ATP8A2: variants seen among roughly 807,000 people sequenced by gnomAD.
ATP8A2 encodes the protein ATPase phospholipid transporting 8A2.
In ATP8A2, 100 loss-of-function variants were observed where a neutral mutation model predicts 165.6. The ratio of observed to expected loss-of-function variants is 0.60; its 90% CI spans 0.51 to 0.71. The LOEUF is 0.71. Ranked by LOEUF, ATP8A2 falls within the 30% of genes least tolerant of loss-of-function variation. ATP8A2 has a pLI of 0.00. For synonymous variants in ATP8A2, 543 were observed against 548.8 expected (o/e 0.99, Z 0.15); for missense variants, 1,227 against 1,479.5 (o/e 0.83, Z 2.80).
chr13:26,018,511 G>T (rs116808292), intron 36 of ATP8A2, among the ~76,000 whole-genome samples: 1 of 152,176 alleles, frequency 6.6e-6, no homozygotes, highest in Non-Finnish European at 1.5e-5. Context: ...TAAGTTGTAC[G>T]CATGCATGGA....
intron 33 of ATP8A2, among the ~76,000 whole-genome samples, chr13:25,926,013 A>G (rs1315419143): frequency 6.6e-6 from 1 of 152,194 alleles, no homozygotes; most frequent in Non-Finnish European, 1.5e-5. Flanking sequence ...GGCATGAGCC[A>G]CCGCACCCAG....
rs117003812 is a variant in ATP8A2, at chr13:25,904,370, C to A, written c.3183+41962C>A. On this transcript the variant is annotated intron_variant, in intron 33 of 36. Coordinates refer to ENST00000381655, the MANE Select transcript of ATP8A2 (RefSeq NM_016529.6). ...GACAGATTTCCTAAACCGTGGACAT[C>A]ATCCCACCTTCATGCCCTTCGACAT... Among the ~76,000 whole-genome samples the A allele has an allele frequency of 3.9e-5, 6 of 152,364 alleles. No individual in the cohort carries two copies. In the East Asian group the frequency reaches 1.2e-3, roughly 29 times the overall value.
chr13:25,782,729 AGTTTT>A (rs1225809622), intron 27 of ATP8A2, among the ~76,000 whole-genome samples: 5 of 152,116 alleles, frequency 3.3e-5, no homozygotes, highest in African/African-American at 9.7e-5. Flanking sequence ...ACACTGCATC[AGTTTT>A]GTTTTGTTTT....
At chr13:25,794,188 G>A (rs4769437) in intron 27 of ATP8A2, among the ~76,000 whole-genome samples, 23,215 of 152,204 alleles carry the variant, frequency 0.15, 1,973 homozygotes, top group Admixed American at 0.23. Flanking sequence ...AGAAAGAAGA[G>A]GTGGGAATTC....
intron 6 of ATP8A2, among the ~76,000 whole-genome samples, chr13:25,534,889 C>T (rs2038228022): frequency 6.6e-6 from 1 of 152,192 alleles, no homozygotes; most frequent in Admixed American, 6.5e-5. Flanking sequence ...AGGTGGGGCC[C>T]TAGAATTTGC....
intron 1 of ATP8A2, among the ~76,000 whole-genome samples, chr13:25,378,884 C>T (rs2032737706): frequency 6.6e-6 from 1 of 152,236 alleles, no homozygotes; most frequent in Admixed American, 6.5e-5. Flanking sequence ...AAGGTAATTA[C>T]TAATATGCCT....
chr13:25,401,018 T>C (rs1004175587), intron 1 of ATP8A2, among the ~76,000 whole-genome samples: 23 of 152,188 alleles, frequency 1.5e-4, no homozygotes, highest in African/African-American at 4.6e-4. Context: ...TACCAAGTCT[T>C]GGGGAATCAT....
At chr13:25,709,740 G>C (rs887520980) in intron 25 of ATP8A2, among the ~76,000 whole-genome samples, 2 of 152,116 alleles carry the variant, frequency 1.3e-5, no homozygotes, top group African/African-American at 4.8e-5. Flanking sequence ...AATGATATTA[G>C]TTTAATGACA....
intron 2 of ATP8A2, among the ~76,000 whole-genome samples, chr13:25,504,089 G>A (rs543114517): frequency 6.6e-6 from 1 of 152,348 alleles, no homozygotes; most frequent in East Asian, 1.9e-4. Flanking sequence ...GAATCCAGTG[G>A]TGGATTGCAG....
intron 23 of ATP8A2, among the ~76,000 whole-genome samples, chr13:25,586,382 G>C (rs2039922510): frequency 6.6e-6 from 1 of 152,146 alleles, no homozygotes; most frequent in Non-Finnish European, 1.5e-5. Flanking sequence ...GTGAGGTGAG[G>C]TTGAGGGAGC....
At chr13:25,713,637 T>C (rs1315041637) in intron 25 of ATP8A2, among the ~76,000 whole-genome samples, 1 of 152,224 alleles carries the variant, frequency 6.6e-6, no homozygotes, top group Non-Finnish European at 1.5e-5. Flanking sequence ...TTCTAGTCAA[T>C]TCACAAGTCT....
At chr13:25,941,121 C>A (rs969438857) in intron 33 of ATP8A2, among the ~76,000 whole-genome samples, 11 of 152,196 alleles carry the variant, frequency 7.2e-5, no homozygotes, top group Non-Finnish European at 1.6e-4. Flanking sequence ...ATCCACGGAG[C>A]CTCAGAGCCG....
Position 25,388,303 on chromosome 13 carries a change from G to A in ATP8A2, c.76+16015G>A, listed in dbSNP as rs12427567. 4.1e-3 allele frequency among the ~76,000 whole-genome samples: 617 copies of A among 152,326 alleles called. 13 individuals carry two copies. The highest frequency in any genetic ancestry group is 0.038 in the Admixed American group (579 of 15,304). ...GCACAGTTCCCAGTTCCTGTGGTCA[G>A]GAGAGCTTGTCTCAGTGTAGCAGGA... On this transcript the variant is annotated intron_variant, in intron 1 of 36. Coordinates refer to ENST00000381655, the MANE Select transcript of ATP8A2 (RefSeq NM_016529.6).
chr13:25,468,886 T>C, intron 1 of ATP8A2, 91 bp from the exon 2 acceptor site: 1 of 1,561,354 alleles, frequency 6.4e-7, no homozygotes. Flanking sequence ...TCCCCGCCGG[T>C]GGCCGCCCGC....
intron 1 of ATP8A2, among the ~76,000 whole-genome samples, chr13:25,434,715 C>T (rs1459555473): frequency 1.3e-5 from 2 of 152,078 alleles, no homozygotes; most frequent in Admixed American, 1.3e-4. Flanking sequence ...TTTTATTTTC[C>T]CGTGTTCCCC....
chr13:25,426,115 G>A (rs946371198), intron 1 of ATP8A2, among the ~76,000 whole-genome samples: 2 of 152,158 alleles, frequency 1.3e-5, no homozygotes, highest in African/African-American at 4.8e-5. Context: ...CATTGTGTTA[G>A]GCCATTCTGG....
intron 33 of ATP8A2, among the ~76,000 whole-genome samples, chr13:25,891,881 C>T (rs1330355169): frequency 6.6e-6 from 1 of 152,032 alleles, no homozygotes; most frequent in Non-Finnish European, 1.5e-5. Context: ...AAATATTTAA[C>T]AGAATGATTG....
intron 10 of ATP8A2, among the ~76,000 whole-genome samples, chr13:25,543,924 A>G (rs2038562580): frequency 6.6e-6 from 1 of 152,198 alleles, no homozygotes. Flanking sequence ...ATTATGATGT[A>G]TTTTGCCAGA....
intron 4 of ATP8A2, among the ~76,000 whole-genome samples, chr13:25,531,168 T>TTATATATGA (rs2038026601): frequency 9.8e-6 from 1 of 102,412 alleles, no homozygotes; most frequent in South Asian, 2.9e-4. Flanking sequence ...GATATATATG[T>TTATATATGA]TATATGATAT....
Sources: gnomAD v4.1 joint callset for allele counts (sites outside exome capture counted in the v4.1 genomes callset) on GRCh38, gnomAD v4.1.1 for gene constraint, MANE v1.5 for transcripts, NCBI Gene and HGNC (gene_info 2026-07-23, HGNC 2026-07-21) for gene names.